TRAPPC13: variants seen among roughly 807,000 people sequenced by gnomAD.
TRAPPC13 encodes the protein REV7-interacting novel NHEJ regulator 1.
Under a neutral mutation model 54.0 loss-of-function variants are expected in TRAPPC13, and 39 were observed. The observed-to-expected ratio is 0.72, with a 90% CI of 0.56 to 0.94. The LOEUF (loss-of-function observed/expected upper bound fraction) is 0.94, where lower values mean the gene tolerates loss of function less well. Ranked by LOEUF, TRAPPC13 falls within the 40% of genes least tolerant of loss-of-function variation. TRAPPC13 has a pLI of 0.00. For missense variants in TRAPPC13, 386 were observed against 488.1 expected (o/e 0.79, Z 1.97); for synonymous variants, 148 against 167.7 (o/e 0.88, Z 0.91).
At chr5:65,629,266 A>G (rs1446950739) in intron 1 of TRAPPC13, among the ~76,000 whole-genome samples, 2 of 152,164 alleles carry the variant, frequency 1.3e-5, no homozygotes, top group African/African-American at 4.8e-5. Flanking sequence ...AAGTGATTTT[A>G]TAGGGCATCT....
At chr5:65,652,450 T>C (rs1756500579) in intron 6 of TRAPPC13, 51 bp from the exon 7 acceptor site, 2 of 1,278,700 alleles carry the variant, frequency 1.6e-6, no homozygotes, top group African/African-American at 1.5e-5. Context: ...AATAAATAAA[T>C]AAATGGTCAC....
At chr5:65,658,297 A>G (rs1756721789) in intron 8 of TRAPPC13, 71 bp from the exon 9 acceptor site, 2 of 1,429,736 alleles carry the variant, frequency 1.4e-6, no homozygotes, top group Non-Finnish European at 9.4e-7. Flanking sequence ...TCATATAGAT[A>G]AGATATTTTT....
chr5:65,647,011 C>T, intron 4 of TRAPPC13, 44 bp from the exon 5 acceptor site: 1 of 1,506,520 alleles, frequency 6.6e-7, no homozygotes. Context: ...TGTAGGTAAC[C>T]AGTCTCATTT....
At chr5:65,646,872 T>C (rs1756230714) in intron 4 of TRAPPC13, among the ~76,000 whole-genome samples, 183 bp from the exon 5 acceptor site, 1 of 152,070 alleles carries the variant, frequency 6.6e-6, no homozygotes, top group South Asian at 2.1e-4. Flanking sequence ...TGGGGGGGTG[T>C]GCCATTGCCA....
At position 65,646,972 on chromosome 5, in the gene TRAPPC13, A is replaced by G. The variant is rs154955; in HGVS notation, c.301-83A>G. On this transcript the variant is annotated intron_variant, in intron 4 of 12. Transcript: ENST00000399438. ...CTTCTTTCCTAATTCTTATTCCCCTATTCTTTCCACTCATAGCCATGCACA... is the reference window on the plus strand; with the variant it reads ...CTTCTTTCCTAATTCTTATTCCCCTGTTCTTTCCACTCATAGCCATGCACA... 0.64 allele frequency: 811,900 copies of G among 1,277,664 alleles called. 260,582 individuals carry two copies. Among genetic ancestry groups the G allele is most frequent in the South Asian group, 0.66 (39,998 of 60,752 alleles). The allele number at this position is 1,277,664 out of a possible 1,614,324, so 79.1% of individuals were successfully genotyped here.
At chr5:65,650,990 T>C in intron 6 of TRAPPC13, 108 bp downstream of exon 6, 1 of 766,634 alleles carries the variant, frequency 1.3e-6, no homozygotes, top group Non-Finnish European at 2.2e-6. Context: ...ATAAAGCAAA[T>C]AGCTCAATAT....
chr5:65,647,103 G>A lies in TRAPPC13; in HGVS notation c.349G>A (p.Ala117Thr), dbSNP rs746693143. The A allele has an allele frequency of 3.2e-6, 5 of 1,560,764 alleles. No homozygotes were observed. In the South Asian group the frequency reaches 5.9e-5, roughly 18 times the overall value. Residue 117 changes from alanine to threonine, a missense_variant, in exon 5 of 13, where the codon GCT becomes ACT. Coordinates refer to ENST00000399438, the MANE Select transcript of TRAPPC13 (RefSeq NM_024941.4). Reference sequence around the variant, plus strand: ...GCGTTTAAATCTTTCAGCCTCCAATGCTGCAGTGGCTGAACTTAAACCGGA... The same window carrying A: ...GCGTTTAAATCTTTCAGCCTCCAATACTGCAGTGGCTGAACTTAAACCGGA... Reference protein sequence around the residue: ...SQRLNLSASNAAVAELKPDCC... With the variant: ...SQRLNLSASNTAVAELKPDCC...
At chr5:65,646,339 G>T (rs558266046) in intron 4 of TRAPPC13, among the ~76,000 whole-genome samples, 1 of 152,128 alleles carries the variant, frequency 6.6e-6, no homozygotes, top group African/African-American at 2.4e-5. Flanking sequence ...TCTTATAAAC[G>T]AATTGATCTC....
At chr5:65,641,511 TCA>T (rs2150673512) in intron 4 of TRAPPC13, among the ~76,000 whole-genome samples, 2 of 152,098 alleles carry the variant, frequency 1.3e-5, no homozygotes, top group South Asian at 4.2e-4. Context: ...TCCCCAGGAC[TCA>T]CCTGGGGAAT....
intron 1 of TRAPPC13, among the ~76,000 whole-genome samples, chr5:65,627,178 G>A (rs890454130): frequency 3.8e-5 from 5 of 133,202 alleles, no homozygotes; most frequent in Non-Finnish European, 8.2e-5. Flanking sequence ...CAGCCTAAAC[G>A]GACAAGTGCT....
At chr5:65,646,535 T>A (rs1350852754) in intron 4 of TRAPPC13, among the ~76,000 whole-genome samples, 1 of 152,210 alleles carries the variant, frequency 6.6e-6, no homozygotes, top group Non-Finnish European at 1.5e-5. Flanking sequence ...TTGTACCTTT[T>A]TTTTTCTCTG....
intron 1 of TRAPPC13, chr5:65,629,459 C>T (rs1561760786): frequency 1.4e-6 from 2 of 1,414,452 alleles, no homozygotes; most frequent in African/African-American, 2.9e-5. Flanking sequence ...TGCAATACTT[C>T]TACTTTAGGT....
chr5:65,661,957 C>T, intron 10 of TRAPPC13, 93 bp from the exon 11 acceptor site: 2 of 778,072 alleles, frequency 2.6e-6, no homozygotes. Flanking sequence ...GGAAACCCAA[C>T]AGCTGTTGAG....
At chr5:65,641,510 C>G (rs2150673501) in intron 4 of TRAPPC13, among the ~76,000 whole-genome samples, 2 of 152,110 alleles carry the variant, frequency 1.3e-5, no homozygotes, top group South Asian at 4.2e-4. Flanking sequence ...ATCCCCAGGA[C>G]TCACCTGGGG....
chr5:65,649,582 A>T (rs563606771), intron 5 of TRAPPC13, among the ~76,000 whole-genome samples: 2 of 152,276 alleles, frequency 1.3e-5, no homozygotes, highest in East Asian at 3.9e-4. Context: ...TGTGAGGCTG[A>T]ACATTTTCAC....
intron 6 of TRAPPC13, among the ~76,000 whole-genome samples, 194 bp from the exon 7 acceptor site, chr5:65,652,307 C>CA (rs1169572205): frequency 6.9e-6 from 1 of 144,332 alleles, no homozygotes; most frequent in Non-Finnish European, 1.5e-5. Flanking sequence ...GGTAGCCTCT[C>CA]AAAAAATACA....
chr5:65,626,791 AT>A (rs751498329), intron 1 of TRAPPC13, among the ~76,000 whole-genome samples: 1 of 151,934 alleles, frequency 6.6e-6, no homozygotes, highest in Non-Finnish European at 1.5e-5. Flanking sequence ...GCCACTGGGA[AT>A]TTTTAGTTTT....
At chr5:65,630,629 C>CTA in intron 1 of TRAPPC13, 7 of 1,040,684 alleles carry the variant, frequency 6.7e-6, no homozygotes, top group Non-Finnish European at 8.1e-6. Context: ...TGGTTAATCT[C>CTA]TAAAATCTAA....
chr5:65,652,735 G>A, intron 7 of TRAPPC13, 190 bp downstream of exon 7: 2 of 639,112 alleles, frequency 3.1e-6, no homozygotes, highest in South Asian at 1.7e-5. Flanking sequence ...CAGCTTACAT[G>A]GAATCAATGT....
Sources: gnomAD v4.1 joint callset for allele counts (sites outside exome capture counted in the v4.1 genomes callset) on GRCh38, gnomAD v4.1.1 for gene constraint, MANE v1.5 for transcripts, NCBI Gene and HGNC (gene_info 2026-07-23, HGNC 2026-07-21) for gene names.